The following INPP4B variants were observed in gnomAD, a reference collection of about 807,000 sequenced individuals.
INPP4B encodes inositol polyphosphate-4-phosphatase type II B, also known as inositol polyphosphate 4-phosphatase type II.
In INPP4B, 55 loss-of-function variants were observed where a neutral mutation model predicts 122.5. The ratio of observed to expected loss-of-function variants is 0.45; its 90% CI spans 0.36 to 0.56. INPP4B has a LOEUF of 0.56. INPP4B is among the 20% of genes least tolerant of loss of function. The pLI is 0.00. For missense variants in INPP4B, 1,000 were observed against 1,097.7 expected (o/e 0.91, Z 1.26); for synonymous variants, 403 against 388.7 (o/e 1.04, Z -0.43).
chr4:142,630,987 A>G (rs1279925294), intron 2 of INPP4B, among the ~76,000 whole-genome samples: 1 of 152,124 alleles, frequency 6.6e-6, no homozygotes, highest in Non-Finnish European at 1.5e-5. Flanking sequence ...GAGCTAACAT[A>G]AATCCTCTCT....
intron 2 of INPP4B, among the ~76,000 whole-genome samples, chr4:142,550,383 C>CA (rs1395712274): frequency 2.0e-5 from 3 of 151,990 alleles, no homozygotes; most frequent in Non-Finnish European, 2.9e-5. Context: ...TCTGTGAACT[C>CA]AAAATGAGCA....
intron 1 of INPP4B, among the ~76,000 whole-genome samples, chr4:142,830,719 C>G (rs1376013642): frequency 2.6e-5 from 4 of 151,842 alleles, no homozygotes; most frequent in Non-Finnish European, 2.9e-5. Flanking sequence ...AGAATGGCAA[C>G]AAGAGTCAAG....
At chr4:142,811,124 G>A (rs535114220) in intron 1 of INPP4B, among the ~76,000 whole-genome samples, 42 of 152,358 alleles carry the variant, frequency 2.8e-4, no homozygotes, top group African/African-American at 9.9e-4. Context: ...TGCTGCAGCA[G>A]TAGAGGCTGA....
intron 2 of INPP4B, among the ~76,000 whole-genome samples, chr4:142,463,891 C>A (rs1475691462): frequency 6.6e-6 from 1 of 152,170 alleles, no homozygotes; most frequent in Non-Finnish European, 1.5e-5. Context: ...AAACCTCTTT[C>A]CTTTATAAAT....
chr4:142,142,118 A>G lies in INPP4B; in HGVS notation c.1720+3722T>C, dbSNP rs565441313. 2.0e-5 allele frequency among the ~76,000 whole-genome samples: 3 copies of G among 152,232 alleles called. No individual in the cohort carries two copies. In the South Asian group the frequency reaches 6.2e-4, roughly 32 times the overall value. ...CATATCATACATTGTAATAAATACT[A>G]TATGTCTCAAATTGCTTGCCTAATC... is the stretch of plus-strand genomic sequence containing the variant. On this transcript the variant is annotated intron_variant, in intron 18 of 25. Transcript: ENST00000262992.
chr4:142,316,512 G>C (rs1767742742), intron 7 of INPP4B, among the ~76,000 whole-genome samples: 1 of 147,800 alleles, frequency 6.8e-6, no homozygotes, highest in Non-Finnish European at 1.5e-5. Flanking sequence ...ATACATATTA[G>C]TATAAAGTGC....
chr4:142,517,574 G>T (rs1049922038), intron 2 of INPP4B, among the ~76,000 whole-genome samples: 2 of 151,686 alleles, frequency 1.3e-5, no homozygotes, highest in African/African-American at 2.4e-5. Flanking sequence ...CAGAAACAGT[G>T]CATCTTATGA....
intron 7 of INPP4B, among the ~76,000 whole-genome samples, chr4:142,319,276 G>A (rs1299352201): frequency 2.0e-5 from 3 of 152,078 alleles, no homozygotes; most frequent in Non-Finnish European, 4.4e-5. Flanking sequence ...AACACCTCTC[G>A]GCAGGGATAG....
chr4:142,204,266 A>G (rs902029932), intron 14 of INPP4B, among the ~76,000 whole-genome samples: 1 of 152,102 alleles, frequency 6.6e-6, no homozygotes, highest in African/African-American at 2.4e-5. Flanking sequence ...ACATATTTTT[A>G]AAACATAAGC....
chr4:142,149,132 A>G (rs1812415541), intron 17 of INPP4B, among the ~76,000 whole-genome samples: 1 of 152,140 alleles, frequency 6.6e-6, no homozygotes, highest in South Asian at 2.1e-4. Context: ...TACTAAAGGT[A>G]CTGATGTGTG....
intron 8 of INPP4B, 154 bp from the exon 9 acceptor site, chr4:142,305,691 T>C (rs756333406): frequency 1.4e-6 from 2 of 1,455,566 alleles, no homozygotes; most frequent in South Asian, 2.6e-5. Flanking sequence ...TTATCAATAA[T>C]ATATCTACCT....
chr4:142,041,549 C>G (rs914115530), intron 25 of INPP4B, among the ~76,000 whole-genome samples: 2 of 151,958 alleles, frequency 1.3e-5, no homozygotes, highest in Non-Finnish European at 2.9e-5. Flanking sequence ...ACCTGGGAGG[C>G]GGAGGTTGCA....
At position 142,027,196 on chromosome 4, in the gene INPP4B, C is replaced by T. The variant is rs1444552697; in HGVS notation, c.*1586G>A. 1.3e-5 allele frequency: 2 copies of T among 151,982 alleles called. No homozygotes were observed. Among genetic ancestry groups the T allele is most frequent in the Non-Finnish European group, 2.9e-5 (2 of 67,990 alleles). The allele number at this position is 151,982 out of a possible 1,614,324, so 9.4% of individuals were successfully genotyped here. ...AAGTATAATGCCCACAGGTAATTAGCTAAAATAAAAAATTGATAATTCTAG... is the reference window on the plus strand; with the variant it reads ...AAGTATAATGCCCACAGGTAATTAGTTAAAATAAAAAATTGATAATTCTAG... On this transcript the variant is annotated 3_prime_UTR_variant, in exon 26 of 26. Transcript: ENST00000262992.
intron 14 of INPP4B, among the ~76,000 whole-genome samples, chr4:142,198,665 G>T (rs1037865421): frequency 6.6e-6 from 1 of 151,812 alleles, no homozygotes; most frequent in African/African-American, 2.4e-5. Flanking sequence ...GCTTCAGAGG[G>T]TCAATGTCTT....
At chr4:142,137,444 C>G in intron 18 of INPP4B, among the ~76,000 whole-genome samples, 1 of 91,698 alleles carries the variant, frequency 1.1e-5, no homozygotes, top group Non-Finnish European at 2.6e-5. Flanking sequence ...AGAAGAAAAC[C>G]TAGGCATTAC....
chr4:142,780,470 G>A (rs1774618122), intron 1 of INPP4B, among the ~76,000 whole-genome samples: 1 of 152,094 alleles, frequency 6.6e-6, no homozygotes, highest in African/African-American at 2.4e-5. Flanking sequence ...CATACACTTA[G>A]CACTAAGAAA....
intron 14 of INPP4B, among the ~76,000 whole-genome samples, chr4:142,198,082 G>T (rs1193968398): frequency 6.6e-6 from 1 of 151,970 alleles, no homozygotes; most frequent in Non-Finnish European, 1.5e-5. Context: ...TCAAAAAGAA[G>T]ACTAAACATT....
chr4:142,683,960 C>T (rs565342189), intron 2 of INPP4B, among the ~76,000 whole-genome samples: 4 of 151,896 alleles, frequency 2.6e-5, no homozygotes, highest in South Asian at 2.1e-4. Flanking sequence ...TTGGATATTT[C>T]GGGCAAACAT....
chr4:142,298,096 C>CA (rs1017846155), intron 9 of INPP4B, among the ~76,000 whole-genome samples: 1 of 151,276 alleles, frequency 6.6e-6, no homozygotes, highest in Non-Finnish European at 1.5e-5. Context: ...CTTCCTAAGG[C>CA]AAAAAACAAA....
Sources: gnomAD v4.1 joint callset for allele counts (sites outside exome capture counted in the v4.1 genomes callset) on GRCh38, gnomAD v4.1.1 for gene constraint, MANE v1.5 for transcripts, NCBI Gene and HGNC (gene_info 2026-07-23, HGNC 2026-07-21) for gene names.